PIWIL2: variants seen among roughly 807,000 people sequenced by gnomAD.
PIWIL2 encodes piwi-like protein 2.
A neutral mutation model predicts 116.5 loss-of-function variants in PIWIL2; 81 were observed. The ratio of observed to expected loss-of-function variants is 0.70; its 90% CI spans 0.58 to 0.84. The LOEUF is 0.84. PIWIL2 is among the 40% of genes least tolerant of loss of function. PIWIL2 has a pLI of 0.00. For synonymous variants in PIWIL2, 489 were observed against 429.5 expected, an observed-to-expected ratio of 1.14 and a Z score of -1.71; for missense variants, 1,272 against 1,212.3, an observed-to-expected ratio of 1.05 and a Z score of -0.73.
rs758692832 is a variant in PIWIL2 at position 22,281,212 on chromosome 8, G to A, written c.286+5G>A. ...AACGGGAAATGCTTCCATCAGGTAT[G>A]TGGAAAACTAACTTGAGAAATTTGG... is the stretch of plus-strand genomic sequence containing the variant. On this transcript the variant is annotated splice_donor_5th_base_variant and intron_variant, in intron 3 of 22. Transcript: ENST00000356766. 9 of 1,597,356 alleles carry A rather than the reference G, an allele frequency of 5.6e-6. No homozygotes were observed. Among genetic ancestry groups the A allele is most frequent in the Admixed American group, 1.7e-5 (1 of 57,748 alleles).
At chr8:22,325,913 T>G (rs1831714527) in intron 20 of PIWIL2, among the ~76,000 whole-genome samples, 1 of 152,152 alleles carries the variant, frequency 6.6e-6, no homozygotes, top group African/African-American at 2.4e-5. Context: ...CCAGAGTAAG[T>G]CCAACTTGCC....
At chr8:22,311,054 G>A (rs1586566464) in intron 15 of PIWIL2, 58 bp from the exon 16 acceptor site, 3 of 1,369,706 alleles carry the variant, frequency 2.2e-6, no homozygotes, top group Non-Finnish European at 3.0e-6. Context: ...GAAATCTTAA[G>A]TATGAGTTTG....
intron 20 of PIWIL2, among the ~76,000 whole-genome samples, chr8:22,343,763 T>A (rs1198141746): frequency 6.6e-6 from 1 of 152,082 alleles, no homozygotes; most frequent in African/African-American, 2.4e-5. Context: ...TGTAGAGCCA[T>A]AGGAACGCTC....
In PIWIL2 at chr8:22,311,152, C is replaced by T. The variant is rs761129029; in HGVS notation, c.1841C>T (p.Ala614Val). The T allele has an allele frequency of 6.2e-7, 1 of 1,613,888 alleles. No individual in the cohort carries two copies. Among genetic ancestry groups the T allele is most frequent in the Non-Finnish European group, 8.5e-7 (1 of 1,179,932 alleles). ...HFWALFYPKR[A>V]MDQARELVNM... ...TGGGCACTTTTTTACCCAAAGAGAGCAATGGACCAGGCTCGAGAACTGGTC... is the reference window on the plus strand; with the variant it reads ...TGGGCACTTTTTTACCCAAAGAGAGTAATGGACCAGGCTCGAGAACTGGTC... Residue 614 changes from alanine to valine, a missense_variant, in exon 16 of 23, where the codon GCA becomes GTA. Physicochemically the swap from Ala to Val is moderately conservative, Grantham distance 64. Transcript: ENST00000356766.
At chr8:22,301,202 T>C (rs1440413944) in intron 10 of PIWIL2, among the ~76,000 whole-genome samples, 2 of 152,172 alleles carry the variant, frequency 1.3e-5, no homozygotes, top group African/African-American at 4.8e-5. Context: ...CAGGCTGTTC[T>C]TGAACTCCTG....
intron 10 of PIWIL2, among the ~76,000 whole-genome samples, chr8:22,296,980 C>A (rs1245712952): frequency 2.0e-5 from 3 of 151,774 alleles, no homozygotes; most frequent in Admixed American, 2.0e-4. Flanking sequence ...GGCTTACATT[C>A]TTTCCTTTTT....
At chr8:22,311,655 G>A (rs1831334567) in intron 16 of PIWIL2, among the ~76,000 whole-genome samples, 1 of 152,208 alleles carries the variant, frequency 6.6e-6, no homozygotes, top group African/African-American at 2.4e-5. Flanking sequence ...CCTCAGTCCG[G>A]CCTGGTTCAA....
chr8:22,281,441 T>C lies in PIWIL2; in HGVS notation c.351T>C (p.Ser117=). Residue 117 remains serine (S), a synonymous_variant, in exon 4 of 23, where the codon TCT becomes TCC. Coordinates refer to ENST00000356766, the MANE Select transcript of PIWIL2 (RefSeq NM_018068.5). ...NLVRKDREEL[S]PTFWDPKVLA... Reference sequence around the variant, plus strand: ...TACGCAAGGACAGGGAGGAACTCTCTCCCACTTTTTGGGATCCAAAAGTGT... The same window carrying C: ...TACGCAAGGACAGGGAGGAACTCTCCCCCACTTTTTGGGATCCAAAAGTGT... 6.2e-7 allele frequency: 1 copy of C among 1,604,668 alleles called. No homozygotes were observed. The highest frequency in any genetic ancestry group is 8.5e-7 in the Non-Finnish European group (1 of 1,178,050).
intron 13 of PIWIL2, among the ~76,000 whole-genome samples, chr8:22,306,692 A>C (rs1198458654): frequency 1.3e-5 from 2 of 152,216 alleles, no homozygotes; most frequent in African/African-American, 2.4e-5. Flanking sequence ...GTTTTTGGTA[A>C]CATCATAAAG....
At chr8:22,335,189 A>G (rs751553689) in intron 20 of PIWIL2, among the ~76,000 whole-genome samples, 15 of 152,312 alleles carry the variant, frequency 9.8e-5, no homozygotes, top group Non-Finnish European at 1.8e-4. Context: ...AGAGTAATGG[A>G]AAAATAGAAG....
chr8:22,351,179 C>T lies in PIWIL2; in HGVS notation c.2404-1780C>T, dbSNP rs369096321. 2.6e-4 allele frequency among the ~76,000 whole-genome samples: 39 copies of T among 151,060 alleles called. No homozygotes were observed. In the East Asian group the frequency reaches 4.0e-3, roughly 15 times the overall value. ...AAAAAATAATTAATTAATTAACTGG[C>T]GTAGTGACAAGCACCTGTAGTTCCA... On this transcript the variant is annotated intron_variant, in intron 20 of 22. Transcript: ENST00000356766.
At chr8:22,299,686 G>C (rs1375863658) in intron 10 of PIWIL2, among the ~76,000 whole-genome samples, 1 of 152,048 alleles carries the variant, frequency 6.6e-6, no homozygotes, top group Non-Finnish European at 1.5e-5. Flanking sequence ...AGTTTGATGA[G>C]TTTTGATATA....
chr8:22,299,610 C>A (rs1431451327), intron 10 of PIWIL2, among the ~76,000 whole-genome samples: 1 of 152,094 alleles, frequency 6.6e-6, no homozygotes, highest in African/African-American at 2.4e-5. Flanking sequence ...CCATTAATTT[C>A]TTTTTTTCAG....
At chr8:22,344,880 AAG>A (rs1035611466) in intron 20 of PIWIL2, among the ~76,000 whole-genome samples, 3 of 152,234 alleles carry the variant, frequency 2.0e-5, no homozygotes, top group African/African-American at 7.2e-5. Flanking sequence ...TTTTAAAGAA[AAG>A]ATTAAAATAA....
At chr8:22,347,047 T>G (rs1453236240) in intron 20 of PIWIL2, among the ~76,000 whole-genome samples, 1 of 151,900 alleles carries the variant, frequency 6.6e-6, no homozygotes, top group Non-Finnish European at 1.5e-5. Flanking sequence ...AGTATATGCC[T>G]GTAGTCTCAG....
At chr8:22,323,986 G>A (rs1054376323) in intron 20 of PIWIL2, among the ~76,000 whole-genome samples, 1 of 152,226 alleles carries the variant, frequency 6.6e-6, no homozygotes, top group Non-Finnish European at 1.5e-5. Flanking sequence ...TTTGGGCTGG[G>A]CTTGGTGGCT....
At chr8:22,298,027 A>G (rs1393569951) in intron 10 of PIWIL2, among the ~76,000 whole-genome samples, 1 of 152,174 alleles carries the variant, frequency 6.6e-6, no homozygotes, top group Non-Finnish European at 1.5e-5. Flanking sequence ...AAGGCTGAGG[A>G]GGGTGGATTG....
At position 22,347,511 on chromosome 8, in the gene PIWIL2, C is replaced by T. The variant is rs1832255685; in HGVS notation, c.2404-5448C>T. 3.5e-5 allele frequency among the ~76,000 whole-genome samples: 5 copies of T among 144,802 alleles called. No individual in the cohort carries two copies. The Admixed American group carries it at 3.6e-4, about 10-fold the overall frequency. The allele number at this position is 144,802 out of a possible 152,430, so 95.0% of individuals were successfully genotyped here. Reference sequence around the variant, plus strand: ...GGATTACAGGCGTGAGCCACTGTGCCTGGCCTTTTTTTTTTTTTTTTTTTT... The same window carrying T: ...GGATTACAGGCGTGAGCCACTGTGCTTGGCCTTTTTTTTTTTTTTTTTTTT... On this transcript the variant is annotated intron_variant, in intron 20 of 22. Transcript: ENST00000356766.
chr8:22,303,577 A>G (rs1020537647), intron 10 of PIWIL2, among the ~76,000 whole-genome samples: 3 of 151,958 alleles, frequency 2.0e-5, no homozygotes, highest in African/African-American at 7.3e-5. Context: ...TAAGTTTTTT[A>G]GAGATGGGGT....
Sources: gnomAD v4.1 joint callset for allele counts (sites outside exome capture counted in the v4.1 genomes callset) on GRCh38, gnomAD v4.1.1 for gene constraint, MANE v1.5 for transcripts, NCBI Gene and HGNC (gene_info 2026-07-23, HGNC 2026-07-21) for gene names.